The following ACAD10 variants were observed in gnomAD, a reference collection of about 807,000 sequenced individuals.
ACAD10 encodes the protein acyl-CoA dehydrogenase family member 10, also known as ACAD-10.
In ACAD10, 112 loss-of-function variants were observed where a neutral mutation model predicts 116.8. That is an observed-to-expected ratio of 0.96 (90% CI 0.82 to 1.12). ACAD10 has a LOEUF of 1.12. ACAD10 is among the 50% of genes most tolerant of loss of function. The pLI is 0.00. For synonymous variants in ACAD10, 486 were observed against 510.6 expected (o/e 0.95, Z 0.65); for missense variants, 1,259 against 1,350.2 (o/e 0.93, Z 1.06).
At chr12:111,690,889 G>A (rs1471572728) in intron 1 of ACAD10, among the ~76,000 whole-genome samples, 1 of 151,872 alleles carries the variant, frequency 6.6e-6, no homozygotes, top group Non-Finnish European at 1.5e-5. Flanking sequence ...TGGCCCCACT[G>A]AATGACTCCT....
At position 111,731,811 on chromosome 12, in the gene ACAD10, G is replaced by A. The variant is rs576051832; in HGVS notation, c.1394+1855G>A. ...AAAGTAGTAGGCAGTGGCCAGGCAC[G>A]GTGACTCAAGCGTGTAATCCCAGCA... On this transcript the variant is annotated intron_variant, in intron 10 of 20. Coordinates refer to ENST00000313698, the MANE Select transcript of ACAD10 (RefSeq NM_025247.6). Among the ~76,000 whole-genome samples, 9 of 152,316 alleles carry A rather than the reference G, an allele frequency of 5.9e-5. No homozygotes were observed. In the South Asian group the frequency reaches 1.4e-3, roughly 25 times the overall value.
At chr12:111,689,808 C>T (rs1375326123) in intron 1 of ACAD10, among the ~76,000 whole-genome samples, 1 of 151,914 alleles carries the variant, frequency 6.6e-6, no homozygotes, top group African/African-American at 2.4e-5. Flanking sequence ...CTCCGCCTCC[C>T]CAGTTCACAC....
chr12:111,718,036 C>CTTTTTTTTTTTTTTTTTTTTTTTTT (rs560344796), intron 7 of ACAD10, among the ~76,000 whole-genome samples: 1 of 63,680 alleles, frequency 1.6e-5, no homozygotes, highest in African/African-American at 8.2e-5. Flanking sequence ...TAGTGATATC[C>CTTTTTTTTTTTTTTTTTTTTTTTTT]TTTTTTTTTT....
At chr12:111,718,196 C>T (rs1036028741) in intron 7 of ACAD10, among the ~76,000 whole-genome samples, 2 of 151,522 alleles carry the variant, frequency 1.3e-5, no homozygotes, top group African/African-American at 4.8e-5. Flanking sequence ...ATTATAGTCA[C>T]ACGCCACCAT....
rs750688401 is a variant in ACAD10 at position 111,709,516 on chromosome 12, C to T, written c.532-10C>T. ...GGGACATTCATCTCTCATTCCTGTC[C>T]CTCCATCAGATTGTGGAGTCCTGCA... On this transcript the variant is annotated splice_polypyrimidine_tract_variant and intron_variant, in intron 4 of 20. Transcript: ENST00000313698. 2 of 1,547,744 alleles carry T rather than the reference C, an allele frequency of 1.3e-6. No individual in the cohort carries two copies. Among genetic ancestry groups the T allele is most frequent in the East Asian group, 2.4e-5 (1 of 42,244 alleles).
intron 2 of ACAD10, among the ~76,000 whole-genome samples, chr12:111,695,637 C>G (rs550556519): frequency 6.6e-6 from 1 of 152,050 alleles, no homozygotes; most frequent in Non-Finnish European, 1.5e-5. Flanking sequence ...AATAGTGATG[C>G]CTTCTACTTT....
chr12:111,727,886 CA>C, intron 8 of ACAD10, 75 bp from the exon 9 acceptor site: 1 of 1,435,712 alleles, frequency 7.0e-7, no homozygotes, highest in Non-Finnish European at 9.4e-7. Flanking sequence ...GGGAAAGTGA[CA>C]AAGAATAGGG....
intron 11 of ACAD10, among the ~76,000 whole-genome samples, chr12:111,736,487 G>A (rs745772343): frequency 3.3e-5 from 5 of 152,158 alleles, no homozygotes; most frequent in African/African-American, 4.8e-5. Context: ...CACTGTGCTC[G>A]ACCTGAGATC....
chr12:111,701,481 A>G (rs1250206843), intron 2 of ACAD10, among the ~76,000 whole-genome samples: 1 of 152,158 alleles, frequency 6.6e-6, no homozygotes, highest in Non-Finnish European at 1.5e-5. Flanking sequence ...CGTGGCCAAC[A>G]TGGCAAAACC....
At chr12:111,725,025 A>C (rs1240503993) in intron 8 of ACAD10, among the ~76,000 whole-genome samples, 1 of 152,220 alleles carries the variant, frequency 6.6e-6, no homozygotes, top group Non-Finnish European at 1.5e-5. Flanking sequence ...AGGTGAAAGA[A>C]GAAAAACTAA....
intron 5 of ACAD10, 90 bp from the exon 6 acceptor site, chr12:111,712,408 A>G: frequency 1.7e-6 from 2 of 1,202,766 alleles, no homozygotes; most frequent in Non-Finnish European, 1.2e-6. Flanking sequence ...TTAAAAATAT[A>G]TACGTGTATA....
intron 3 of ACAD10, among the ~76,000 whole-genome samples, chr12:111,703,010 A>G (rs559091659): frequency 1.3e-5 from 2 of 150,990 alleles, no homozygotes; most frequent in African/African-American, 2.4e-5. Context: ...CTTGAGCCCT[A>G]GGGATTGAAA....
intron 3 of ACAD10, among the ~76,000 whole-genome samples, chr12:111,702,672 A>C (rs1036318464): frequency 1.3e-5 from 2 of 152,096 alleles, no homozygotes; most frequent in Non-Finnish European, 1.5e-5. Flanking sequence ...TGGAGGTTGC[A>C]GTGAGCTGAG....
At chr12:111,736,185 GT>G (rs35268951) in intron 11 of ACAD10, among the ~76,000 whole-genome samples, 1,438 of 97,730 alleles carry the variant, frequency 0.015, 11 homozygotes, top group African/African-American at 0.051. Flanking sequence ...CCAGCCAATT[GT>G]TTTTTTTTTT....
Position 111,713,345 on chromosome 12 carries a change from C to T in ACAD10, c.850+688C>T, listed in dbSNP as rs527760788. ...AAAAAAAAGAATTTGCATTGCTGAC[C>T]GGGGCGTAGTGGCTCACTTCTGTAA... is the stretch of plus-strand genomic sequence containing the variant. On this transcript the variant is annotated intron_variant, in intron 6 of 20. Coordinates refer to ENST00000313698, the MANE Select transcript of ACAD10 (RefSeq NM_025247.6). 6.8e-3 allele frequency among the ~76,000 whole-genome samples: 1,008 copies of T among 147,252 alleles called. 8 individuals carry two copies. Among genetic ancestry groups the T allele is most frequent in the Non-Finnish European group, 9.2e-3 (615 of 67,114 alleles).
chr12:111,716,651 T>C (rs1286513507), intron 7 of ACAD10, among the ~76,000 whole-genome samples: 3 of 152,084 alleles, frequency 2.0e-5, no homozygotes, highest in East Asian at 1.9e-4. Context: ...ACTCAGGAAT[T>C]GAAGACCAGC....
intron 12 of ACAD10, among the ~76,000 whole-genome samples, chr12:111,739,523 G>A (rs144710904): frequency 0.017 from 2,603 of 152,280 alleles, 80 homozygotes; most frequent in African/African-American, 0.057. Context: ...GTGGGAAACC[G>A]AGGTGGGTGG....
At chr12:111,739,010 G>A (rs1002838807) in intron 12 of ACAD10, among the ~76,000 whole-genome samples, 1 of 128,960 alleles carries the variant, frequency 7.8e-6, no homozygotes, top group African/African-American at 2.8e-5. Context: ...GGGGGGTGGG[G>A]AATCAAGCAT....
At chr12:111,748,561 C>A in intron 17 of ACAD10, 86 bp downstream of exon 17, 1 of 1,448,870 alleles carries the variant, frequency 6.9e-7, no homozygotes, top group Non-Finnish European at 9.6e-7. Flanking sequence ...TTGTTCAGGA[C>A]TTGCCACATC....
Sources: gnomAD v4.1 joint callset for allele counts (sites outside exome capture counted in the v4.1 genomes callset) on GRCh38, gnomAD v4.1.1 for gene constraint, MANE v1.5 for transcripts, NCBI Gene and HGNC (gene_info 2026-07-23, HGNC 2026-07-21) for gene names.